CABLES1: variants seen among roughly 807,000 people sequenced by gnomAD.
CABLES1 encodes the protein CDK5 and ABL1 enzyme substrate 1.
CABLES1 carries 36 observed loss-of-function variants against 57.8 expected under a neutral mutation model. The observed-to-expected ratio is 0.62, with a 90% CI of 0.48 to 0.82. CABLES1 has a LOEUF of 0.82. Ranked by LOEUF, CABLES1 falls within the 40% of genes least tolerant of loss-of-function variation. The probability of loss-of-function intolerance (pLI) is 0.00; values close to 1 mark genes in which losing one functional copy is unlikely to be tolerated. For missense variants in CABLES1, 767 were observed against 836.6 expected (o/e 0.92, Z 1.03); for synonymous variants, 374 against 363.0 (o/e 1.03, Z -0.35).
chr18:23,221,333 C>A (rs1194894454), intron 4 of CABLES1, among the ~76,000 whole-genome samples: 7 of 152,166 alleles, frequency 4.6e-5, no homozygotes, highest in Non-Finnish European at 7.3e-5. Context: ...GATAACTGTC[C>A]GTCTTCATGT....
intron 1 of CABLES1, among the ~76,000 whole-genome samples, chr18:23,179,027 A>G (rs1012283304): frequency 6.6e-5 from 10 of 152,328 alleles, no homozygotes; most frequent in Admixed American, 6.5e-4. Context: ...GGCTCACACC[A>G]GTAATCCCAA....
chr18:23,254,194 T>G (rs991799077), intron 9 of CABLES1, among the ~76,000 whole-genome samples: 10 of 152,204 alleles, frequency 6.6e-5, no homozygotes, highest in Non-Finnish European at 1.2e-4. Context: ...CCATGTGAGA[T>G]GCAATCATTC....
In CABLES1 at chr18:23,235,947, G is replaced by C; in HGVS notation, c.1238G>C (p.Arg413Thr). The change falls in exon 6 of 10, where the codon AGA (arginine) becomes ACA (threonine). Residue 413 changes from arginine to threonine, a missense_variant. Around this residue, in one of 4 missense-constraint regions of CABLES1, gnomAD observed 529 missense variants for 622.8 expected, o/e 0.85. Coordinates refer to ENST00000256925, the MANE Select transcript of CABLES1 (RefSeq NM_001100619.3). ...LLPTNAFGAR[R>T]NTIDSTSSFS... Reference sequence around the variant, plus strand: ...CCCACAAATGCCTTTGGAGCCCGGAGAAATACCATAGACTCCACCTCCTCT... The same window carrying C: ...CCCACAAATGCCTTTGGAGCCCGGACAAATACCATAGACTCCACCTCCTCT... The C allele has an allele frequency of 6.2e-7, 1 of 1,614,156 alleles. No homozygotes were observed. Among genetic ancestry groups the C allele is most frequent in the African/African-American group, 1.3e-5 (1 of 75,018 alleles).
rs957765230 is a variant in CABLES1 at position 23,230,102 on chromosome 18, G to A, written c.1089-4506G>A. ...AAAAGCTATGAGAAGGGCCAGGCGC[G>A]GTGGCTCACACCTGTAATCCCAGCA... On this transcript the variant is annotated intron_variant, in intron 4 of 9. Coordinates refer to ENST00000256925, the MANE Select transcript of CABLES1 (RefSeq NM_001100619.3). 3.3e-5 allele frequency among the ~76,000 whole-genome samples: 5 copies of A among 152,312 alleles called. No individual in the cohort carries two copies. The South Asian group carries it at 6.2e-4, about 19-fold the overall frequency.
At chr18:23,209,600 A>G (rs2047389099) in intron 3 of CABLES1, among the ~76,000 whole-genome samples, 1 of 152,104 alleles carries the variant, frequency 6.6e-6, no homozygotes, top group Admixed American at 6.5e-5. Context: ...GTTACTGCAG[A>G]TGTGATTTTC....
intron 2 of CABLES1, 24 bp downstream of exon 2, chr18:23,188,933 A>G (rs368227162): frequency 4.0e-6 from 6 of 1,506,552 alleles, no homozygotes; most frequent in Non-Finnish European, 5.5e-6. Context: ...TCATTTATGT[A>G]TATGTAAACA....
intron 5 of CABLES1, 123 bp downstream of exon 5, chr18:23,234,827 C>A: frequency 1.3e-6 from 1 of 764,966 alleles, no homozygotes; most frequent in Non-Finnish European, 2.2e-6. Context: ...GGCAGATTCC[C>A]AGGCATGTGA....
intron 1 of CABLES1, among the ~76,000 whole-genome samples, chr18:23,171,798 TCA>T (rs1184891785): frequency 6.6e-6 from 1 of 152,164 alleles, no homozygotes; most frequent in Non-Finnish European, 1.5e-5. Context: ...CCCATCAGCC[TCA>T]CATCCCTGCC....
chr18:23,136,549 C>G lies in CABLES1; in HGVS notation c.787C>G (p.Leu263Val), dbSNP rs769812959. 1.2e-5 allele frequency: 19 copies of G among 1,562,306 alleles called. No homozygotes were observed. Among genetic ancestry groups the G allele is most frequent in the Non-Finnish European group, 1.6e-5 (19 of 1,162,666 alleles). ...GCCGACTTCGCAGAACTACTGCTCC[C>G]TGGAGCAGCCAGGCCAGGGCGGCAG... The part of the protein sequence containing the change: ...SRPTSQNYCS[L>V]EQPGQGGSTS... The change falls in exon 1 of 10, where the codon CTG becomes GTG. Residue 263 changes from leucine to valine, a missense_variant. Coordinates refer to ENST00000256925, the MANE Select transcript of CABLES1 (RefSeq NM_001100619.3).
chr18:23,139,621 T>C (rs57772091), intron 1 of CABLES1, among the ~76,000 whole-genome samples: 30,731 of 152,030 alleles, frequency 0.2, 3,289 homozygotes, highest in Middle Eastern at 0.32. Flanking sequence ...CCACCTCTGT[T>C]CACTGGACTG....
At chr18:23,238,235 A>G (rs2047654267) in intron 7 of CABLES1, among the ~76,000 whole-genome samples, 1 of 152,206 alleles carries the variant, frequency 6.6e-6, no homozygotes, top group Non-Finnish European at 1.5e-5. Context: ...CCCCGTACTC[A>G]AAGGAAACCC....
intron 1 of CABLES1, among the ~76,000 whole-genome samples, chr18:23,152,644 C>A (rs1349852389): frequency 6.6e-6 from 1 of 151,382 alleles, no homozygotes; most frequent in Non-Finnish European, 1.5e-5. Context: ...GCCATCATGC[C>A]CGGCTAATTT....
chr18:23,146,660 T>C (rs2046893186), intron 1 of CABLES1, among the ~76,000 whole-genome samples: 1 of 152,270 alleles, frequency 6.6e-6, no homozygotes, highest in Non-Finnish European at 1.5e-5. Flanking sequence ...TTATAAGTTC[T>C]GTTTATTTGT....
chr18:23,180,941 C>T (rs1008465999), intron 1 of CABLES1, among the ~76,000 whole-genome samples: 1 of 152,150 alleles, frequency 6.6e-6, no homozygotes, highest in Non-Finnish European at 1.5e-5. Context: ...CCTCAAGGGC[C>T]AACCCTGCTT....
intron 9 of CABLES1, among the ~76,000 whole-genome samples, chr18:23,255,099 G>T (rs2145141260): frequency 6.6e-6 from 1 of 152,316 alleles, no homozygotes; most frequent in East Asian, 1.9e-4. Flanking sequence ...TGGCTCTGGG[G>T]TGATAAGGGC....
chr18:23,208,546 A>G (rs2047381178), intron 3 of CABLES1, among the ~76,000 whole-genome samples: 1 of 152,118 alleles, frequency 6.6e-6, no homozygotes, highest in Admixed American at 6.5e-5. Context: ...GAGTTTTCCA[A>G]ATTTCATAAT....
intron 4 of CABLES1, among the ~76,000 whole-genome samples, chr18:23,230,754 G>A (rs1231454036): frequency 1.3e-5 from 2 of 152,096 alleles, no homozygotes; most frequent in African/African-American, 4.8e-5. Context: ...ACTTTTCACT[G>A]GGCATTCCTC....
intron 9 of CABLES1, among the ~76,000 whole-genome samples, chr18:23,255,557 ATTTTT>A (rs397858640): frequency 3.0e-5 from 4 of 132,540 alleles, no homozygotes; most frequent in Non-Finnish European, 4.8e-5. Context: ...TGAACTAATG[ATTTTT>A]TTTTTTTTTT....
chr18:23,139,782 A>G (rs1165943912), intron 1 of CABLES1, among the ~76,000 whole-genome samples: 2 of 152,222 alleles, frequency 1.3e-5, no homozygotes, highest in African/African-American at 4.8e-5. Flanking sequence ...GGGCCAGGAT[A>G]GGAACCTGGA....
Sources: allele counts gnomAD v4.1 joint callset (sites outside exome capture counted in the v4.1 genomes callset), GRCh38; gene constraint gnomAD v4.1.1; regional missense constraint gnomAD v4.1.1; transcripts MANE v1.5; gene names NCBI Gene and HGNC (gene_info 2026-07-23, HGNC 2026-07-21).